The following AGBL1 variants were observed in gnomAD, a reference collection of about 807,000 sequenced individuals.
AGBL1 encodes AGBL carboxypeptidase 1.
A neutral mutation model predicts 118.9 loss-of-function variants in AGBL1; 130 were observed. The observed-to-expected ratio is 1.09, with a 90% CI of 0.95 to 1.26. The LOEUF (loss-of-function observed/expected upper bound fraction) is 1.26. Among genes scored for constraint, AGBL1 ranks in the 50% most tolerant of loss-of-function variants. The pLI, the probability that AGBL1 is intolerant of heterozygous loss-of-function variation, is 0.00. For synonymous variants in AGBL1, 555 were observed against 478.9 expected (o/e 1.16, Z -2.08); for missense variants, 1,584 against 1,298.1 (o/e 1.22, Z -3.38).
chr15:86,241,075 G>A (rs2078634096), intron 6 of AGBL1, among the ~76,000 whole-genome samples: 1 of 152,142 alleles, frequency 6.6e-6, no homozygotes, highest in Non-Finnish European at 1.5e-5. Flanking sequence ...AAAATGGGGT[G>A]TGAACTTCAG....
At chr15:86,695,299 A>G (rs548330658) in intron 22 of AGBL1, among the ~76,000 whole-genome samples, 1 of 152,108 alleles carries the variant, frequency 6.6e-6, no homozygotes, top group South Asian at 2.1e-4. Flanking sequence ...CAGGGTTTCT[A>G]ATTCTTCCTG....
intron 17 of AGBL1, among the ~76,000 whole-genome samples, chr15:86,320,331 C>G (rs969104949): frequency 6.6e-6 from 1 of 151,604 alleles, no homozygotes; most frequent in African/African-American, 2.4e-5. Context: ...AGCTTGCTTT[C>G]ACATCATATT....
At chr15:86,474,617 C>T (rs1423065881) in intron 18 of AGBL1, among the ~76,000 whole-genome samples, 1 of 152,196 alleles carries the variant, frequency 6.6e-6, no homozygotes, top group Non-Finnish European at 1.5e-5. Flanking sequence ...CTCAAGGAGG[C>T]CTGCCTGCGT....
intron 23 of AGBL1, among the ~76,000 whole-genome samples, chr15:86,953,935 C>G (rs1212744957): frequency 2.6e-5 from 4 of 152,022 alleles, no homozygotes; most frequent in African/African-American, 7.3e-5. Context: ...CTGGATCACT[C>G]TGGCTAAAAA....
intron 22 of AGBL1, among the ~76,000 whole-genome samples, chr15:86,752,637 G>C (rs758823572): frequency 3.9e-5 from 6 of 152,008 alleles, no homozygotes; most frequent in Admixed American, 6.6e-5. Flanking sequence ...GGGCAGGAAG[G>C]CTCCCTGTAC....
At chr15:86,396,454 C>T (rs1052416054) in intron 17 of AGBL1, among the ~76,000 whole-genome samples, 3 of 152,026 alleles carry the variant, frequency 2.0e-5, no homozygotes, top group Admixed American at 2.0e-4. Context: ...TGTAACTGGG[C>T]AGAGAGTGTT....
intron 14 of AGBL1, among the ~76,000 whole-genome samples, chr15:86,271,036 A>G (rs1028438205): frequency 7.8e-6 from 1 of 128,188 alleles, no homozygotes; most frequent in African/African-American, 3.1e-5. Context: ...TGCTTCAGTC[A>G]CGTTGCATTT....
chr15:86,436,936 A>G (rs1273359384), intron 18 of AGBL1, among the ~76,000 whole-genome samples: 4 of 152,206 alleles, frequency 2.6e-5, no homozygotes, highest in Non-Finnish European at 4.4e-5. Context: ...TCACCAAAGT[A>G]AAACAAACTG....
chr15:87,026,397 C>T (rs541034286), intron 24 of AGBL1, among the ~76,000 whole-genome samples: 1 of 151,882 alleles, frequency 6.6e-6, no homozygotes, highest in Non-Finnish European at 1.5e-5. Context: ...TGAAAAAATG[C>T]TCAACATGAC....
intron 22 of AGBL1, among the ~76,000 whole-genome samples, chr15:86,721,468 C>T (rs1225186711): frequency 1.3e-5 from 2 of 152,164 alleles, no homozygotes. Flanking sequence ...GCTAAAAACT[C>T]TCAATAAATT....
downstream of AGBL1, among the ~76,000 whole-genome samples, chr15:86,916,746 G>A (rs1328823627): frequency 6.6e-6 from 1 of 152,146 alleles, no homozygotes; most frequent in Non-Finnish European, 1.5e-5. Context: ...TCATGAACAT[G>A]AATGCTGTGC....
In AGBL1 at chr15:86,264,317, C is replaced by A; in HGVS notation, c.1146C>A (p.His382Gln). The A allele has an allele frequency of 6.2e-7, 1 of 1,611,156 alleles. No individual in the cohort carries two copies. Among genetic ancestry groups the A allele is most frequent in the Non-Finnish European group, 8.5e-7 (1 of 1,178,618 alleles). Residue 382 changes from histidine to glutamine, a missense_variant, in exon 11 of 23, where the codon CAC (histidine) becomes CAA (glutamine). Physicochemically the swap from His to Gln is conservative, Grantham distance 24. Transcript: ENST00000614907. ...LNSEKTQYAN[H>Q]HHIPAAASSK... ...CTGAAAAGACTCAGTATGCCAATCACCACCACATTCCAGCCGCTGCCTCCT... is the reference window on the plus strand; with the variant it reads ...CTGAAAAGACTCAGTATGCCAATCAACACCACATTCCAGCCGCTGCCTCCT...
intron 4 of AGBL1, among the ~76,000 whole-genome samples, chr15:86,156,203 G>C (rs2077187772): frequency 6.6e-6 from 1 of 152,190 alleles, no homozygotes. Flanking sequence ...TTACAGGCGT[G>C]AGCCACCATG....
At chr15:86,352,702 G>A (rs1319851975) in intron 17 of AGBL1, among the ~76,000 whole-genome samples, 3 of 151,994 alleles carry the variant, frequency 2.0e-5, no homozygotes, top group Non-Finnish European at 2.9e-5. Context: ...GGCTGGTCTC[G>A]AACTCTTGAC....
intron 19 of AGBL1, among the ~76,000 whole-genome samples, chr15:86,542,208 T>C (rs1329826009): frequency 6.6e-6 from 1 of 152,126 alleles, no homozygotes; most frequent in Non-Finnish European, 1.5e-5. Context: ...GAGATAGAAA[T>C]GTATACTGAG....
chr15:86,668,120 C>G (rs1300272699), intron 21 of AGBL1, among the ~76,000 whole-genome samples: 1 of 152,098 alleles, frequency 6.6e-6, no homozygotes, highest in Non-Finnish European at 1.5e-5. Flanking sequence ...GGGAGGGCAC[C>G]AAGCCATCCA....
intron 21 of AGBL1, among the ~76,000 whole-genome samples, chr15:86,586,756 A>G (rs138921636): frequency 5.4e-4 from 82 of 152,308 alleles, no homozygotes; most frequent in African/African-American, 1.9e-3. Flanking sequence ...GTGGGAGCTT[A>G]TAAGTCATAG....
intron 24 of AGBL1, among the ~76,000 whole-genome samples, chr15:87,022,708 G>A (rs1232345678): frequency 1.3e-5 from 2 of 152,032 alleles, no homozygotes; most frequent in Non-Finnish European, 2.9e-5. Context: ...TGAGACAAAA[G>A]TACCAGGTAA....
At chr15:86,749,605 G>A (rs1020318372) in intron 22 of AGBL1, among the ~76,000 whole-genome samples, 2 of 152,156 alleles carry the variant, frequency 1.3e-5, no homozygotes, top group Non-Finnish European at 2.9e-5. Flanking sequence ...CAAAGGGAAT[G>A]CTTCCAGTTT....
Sources: allele counts gnomAD v4.1 joint callset (sites outside exome capture counted in the v4.1 genomes callset), GRCh38; gene constraint gnomAD v4.1.1; transcripts MANE v1.5; gene names NCBI Gene and HGNC (gene_info 2026-07-23, HGNC 2026-07-21).